FSTL4: variants seen among roughly 807,000 people sequenced by gnomAD.
The protein encoded by FSTL4 is follistatin like 4, also known as follistatin-related protein 4.
In FSTL4, 28 loss-of-function variants were observed where a neutral mutation model predicts 78.2. The ratio of observed to expected loss-of-function variants is 0.36; its 90% CI spans 0.27 to 0.49. The LOEUF (loss-of-function observed/expected upper bound fraction) is 0.49, where lower values mean the gene tolerates loss of function less well. Among genes scored for constraint, FSTL4 ranks in the 20% least tolerant of loss-of-function variants. The probability of loss-of-function intolerance (pLI) is 0.98; values close to 1 mark genes in which losing one functional copy is unlikely to be tolerated. For missense variants in FSTL4, 922 were observed against 1,084.9 expected, an observed-to-expected ratio of 0.85 and a Z score of 2.11; for synonymous variants, 422 against 440.5, an observed-to-expected ratio of 0.96 and a Z score of 0.53.
At chr5:133,325,407 G>A (rs925169694) in intron 4 of FSTL4, among the ~76,000 whole-genome samples, 35 of 152,284 alleles carry the variant, frequency 2.3e-4, no homozygotes, top group African/African-American at 8.2e-4. Flanking sequence ...CCGGGGTGCT[G>A]GAATCTCCCT....
the FSTL4 span, among the ~76,000 whole-genome samples, chr5:133,737,373 C>T: frequency 6.7e-4 from 102 of 152,178 alleles, no homozygotes; most frequent in Admixed American, 2.5e-3. Flanking sequence ...TCTTTCTGTG[C>T]CTGGCTTATT....
At chr5:133,558,928 G>C (rs969795652) in intron 3 of FSTL4, among the ~76,000 whole-genome samples, 2 of 152,146 alleles carry the variant, frequency 1.3e-5, no homozygotes, top group Non-Finnish European at 2.9e-5. Context: ...ATTTAGAGGA[G>C]AGGTCTCCCC....
At chr5:133,310,500 C>T (rs1753754633) in intron 6 of FSTL4, among the ~76,000 whole-genome samples, 1 of 152,170 alleles carries the variant, frequency 6.6e-6, no homozygotes. Flanking sequence ...GGGATGCTTC[C>T]ATTTCCTTGA....
chr5:133,743,141 G>A, the FSTL4 span, among the ~76,000 whole-genome samples: 68,117 of 151,898 alleles, frequency 0.45, 16,327 homozygotes, highest in East Asian at 0.67. Flanking sequence ...AGACTCAGGG[G>A]GCCCTGGGCT....
chr5:133,251,261 C>G (rs950372590), intron 6 of FSTL4, among the ~76,000 whole-genome samples: 1 of 152,174 alleles, frequency 6.6e-6, no homozygotes, highest in Non-Finnish European at 1.5e-5. Flanking sequence ...GTCTGTAGGA[C>G]TCAGACCTCA....
chr5:133,514,179 AATG>A (rs201470509), intron 3 of FSTL4, among the ~76,000 whole-genome samples: 19,616 of 66,870 alleles, frequency 0.29, 1,724 homozygotes, highest in African/African-American at 0.5. Context: ...ACTCCGTCTC[AATG>A]ATAATAATAA....
intron 3 of FSTL4, among the ~76,000 whole-genome samples, chr5:133,462,127 A>T (rs1272932021): frequency 6.6e-6 from 1 of 152,246 alleles, no homozygotes; most frequent in African/African-American, 2.4e-5. Flanking sequence ...AGAAAGGTAG[A>T]CACAGATCTC....
chr5:133,724,847 G>A, the FSTL4 span, among the ~76,000 whole-genome samples: 1 of 152,138 alleles, frequency 6.6e-6, no homozygotes, highest in African/African-American at 2.4e-5. Context: ...TATAGTTTTA[G>A]CACTTACGTT....
intron 4 of FSTL4, among the ~76,000 whole-genome samples, chr5:133,327,416 T>G (rs922297740): frequency 6.6e-6 from 1 of 152,194 alleles, no homozygotes; most frequent in Admixed American, 6.5e-5. Context: ...TTAGCAAACA[T>G]GCTTACCTTC....
At chr5:133,689,657 G>C in the FSTL4 span, among the ~76,000 whole-genome samples, 1 of 152,202 alleles carries the variant, frequency 6.6e-6, no homozygotes, top group African/African-American at 2.4e-5. Flanking sequence ...CCAGGTTCCT[G>C]TCCTTTTGAC....
At position 133,199,770 on chromosome 5, in the gene FSTL4, A is replaced by G; in HGVS notation, c.1854T>C (p.Asp618=). 1 of 1,563,460 alleles carries G rather than the reference A, an allele frequency of 6.4e-7. No homozygotes were observed. The highest frequency in any genetic ancestry group is 8.7e-7 in the Non-Finnish European group (1 of 1,151,082). ...IRFGFIFNKS[D]PAVHKVDLET... ...CCAGGTCCACCTTGTGGACTGCAGG[A>G]TCAGACTTGTTGAAGATGAAGCCAA... The change falls in exon 16 of 16, where the codon GAT becomes GAC. Residue 618 remains aspartate (D), a synonymous_variant. Coordinates refer to ENST00000265342, the MANE Select transcript of FSTL4 (RefSeq NM_015082.2). This position sits in a 1 kb window ranked among gnomAD's most constrained non-coding sequence, Gnocchi z 4.4.
intron 4 of FSTL4, among the ~76,000 whole-genome samples, chr5:133,390,190 C>A (rs1213780241): frequency 6.6e-6 from 1 of 152,216 alleles, no homozygotes; most frequent in Non-Finnish European, 1.5e-5. Context: ...ACTGAGATCA[C>A]CCTGCTTATA....
intron 7 of FSTL4, among the ~76,000 whole-genome samples, chr5:133,243,277 C>A (rs1751931935): frequency 6.6e-6 from 1 of 152,072 alleles, no homozygotes; most frequent in Non-Finnish European, 1.5e-5. Flanking sequence ...TCTTTCAAGT[C>A]ATTTGAAATA....
At chr5:133,791,002 C>T in the FSTL4 span, among the ~76,000 whole-genome samples, 2 of 152,196 alleles carry the variant, frequency 1.3e-5, no homozygotes, top group Non-Finnish European at 2.9e-5. Flanking sequence ...CCTATACTGG[C>T]CTGCCAGGCC....
chr5:133,474,395 G>A (rs1757886759), intron 3 of FSTL4, among the ~76,000 whole-genome samples: 1 of 152,184 alleles, frequency 6.6e-6, no homozygotes, highest in Non-Finnish European at 1.5e-5. Flanking sequence ...ACAGGTTCAG[G>A]CTGGGCATTT....
chr5:133,595,563 C>G (rs747241376), intron 2 of FSTL4, among the ~76,000 whole-genome samples: 7 of 152,194 alleles, frequency 4.6e-5, no homozygotes, highest in African/African-American at 1.7e-4. Flanking sequence ...TGCCTTGCTA[C>G]GTGATATGTG....
At chr5:133,749,544 C>G in the FSTL4 span, among the ~76,000 whole-genome samples, 1 of 152,214 alleles carries the variant, frequency 6.6e-6, no homozygotes, top group African/African-American at 2.4e-5. Flanking sequence ...AGTGAAATAA[C>G]AGCCATGGGC....
the FSTL4 span, among the ~76,000 whole-genome samples, chr5:133,704,027 G>A: frequency 1.3e-5 from 2 of 152,148 alleles, no homozygotes; most frequent in African/African-American, 2.4e-5. Flanking sequence ...CTCACCACAC[G>A]GATGTGAGGC....
intron 3 of FSTL4, among the ~76,000 whole-genome samples, chr5:133,417,958 TAAAAAAAA>T (rs527415337): frequency 0.033 from 1,680 of 50,942 alleles, 18 homozygotes; most frequent in Admixed American, 0.06. Context: ...GACTCCATCT[TAAAAAAAA>T]AAAAAAAAAA....
Sources: allele counts gnomAD v4.1 joint callset (sites outside exome capture counted in the v4.1 genomes callset), GRCh38; gene constraint gnomAD v4.1.1; non-coding constraint Gnocchi (gnomAD v3.1); transcripts MANE v1.5; gene names NCBI Gene and HGNC (gene_info 2026-07-23, HGNC 2026-07-21).